The following TAF4B variants were observed in gnomAD, a reference collection of about 807,000 sequenced individuals.
The protein encoded by TAF4B is transcription initiation factor TFIID subunit 4B.
A neutral mutation model predicts 86.4 loss-of-function variants in TAF4B; 38 were observed. The ratio of observed to expected loss-of-function variants is 0.44; its 90% CI spans 0.34 to 0.58. The LOEUF is 0.58. Among genes scored for constraint, TAF4B ranks in the 20% least tolerant of loss-of-function variants. TAF4B has a pLI of 0.02. For synonymous variants in TAF4B, 388 were observed against 391.2 expected (o/e 0.99, Z 0.10); for missense variants, 988 against 1,027.6 (o/e 0.96, Z 0.53).
intron 13 of TAF4B, among the ~76,000 whole-genome samples, chr18:26,342,378 T>G (rs1791741): frequency 0.35 from 53,752 of 152,078 alleles, 11,594 homozygotes; most frequent in East Asian, 0.81. Context: ...AATGTGCCCC[T>G]GTTCCTGTCC....
chr18:26,383,698 C>G (rs1978305035), intron 14 of TAF4B, among the ~76,000 whole-genome samples: 1 of 152,164 alleles, frequency 6.6e-6, no homozygotes, highest in South Asian at 2.1e-4. Context: ...GCCAGTGATT[C>G]CGTGTCACAT....
At chr18:26,332,880 G>A (rs1406996622) in intron 12 of TAF4B, among the ~76,000 whole-genome samples, 1 of 151,966 alleles carries the variant, frequency 6.6e-6, no homozygotes, top group African/African-American at 2.4e-5. Context: ...TCCTTATCAT[G>A]GCCTACAAGG....
chr18:26,366,797 G>A (rs1238194328), intron 14 of TAF4B, among the ~76,000 whole-genome samples: 1 of 152,162 alleles, frequency 6.6e-6, no homozygotes, highest in African/African-American at 2.4e-5. Context: ...AGTATTGGCA[G>A]TTTCAGATAG....
chr18:26,352,747 C>T (rs1280094708), intron 13 of TAF4B, among the ~76,000 whole-genome samples: 2 of 152,094 alleles, frequency 1.3e-5, no homozygotes, highest in African/African-American at 4.8e-5. Context: ...CAGAGTGAGA[C>T]CCTGTCTCCC....
intron 1 of TAF4B, chr18:26,255,556 C>G: frequency 1.8e-6 from 1 of 554,660 alleles, no homozygotes; most frequent in South Asian, 2.6e-5. Flanking sequence ...GAGCCAAGAT[C>G]ACGCCACTGC....
At chr18:26,285,227 T>TGTTTTTG (rs1555677499) in intron 6 of TAF4B, among the ~76,000 whole-genome samples, 22 of 125,124 alleles carry the variant, frequency 1.8e-4, no homozygotes, top group East Asian at 5.1e-4. Context: ...TTTTTGTTTT[T>TGTTTTTG]TTTTTTTTTG....
chr18:26,363,603 A>T (rs1280067727), intron 14 of TAF4B, among the ~76,000 whole-genome samples: 1 of 152,102 alleles, frequency 6.6e-6, no homozygotes, highest in East Asian at 1.9e-4. Context: ...TGCTCCTTCA[A>T]TGTTTAGGTA....
At chr18:26,281,678 A>G (rs866729462) in intron 5 of TAF4B, among the ~76,000 whole-genome samples, 11 of 152,140 alleles carry the variant, frequency 7.2e-5, no homozygotes, top group Admixed American at 5.9e-4. Flanking sequence ...TCAATTCTTA[A>G]TTGTTCTTAA....
chr18:26,296,936 C>T (rs1585678), intron 9 of TAF4B, among the ~76,000 whole-genome samples: 53,614 of 151,698 alleles, frequency 0.35, 11,534 homozygotes, highest in East Asian at 0.81. Context: ...GTCAAGAGTT[C>T]GAGACCAGCC....
At chr18:26,379,866 C>G (rs140090534) in intron 14 of TAF4B, among the ~76,000 whole-genome samples, 222 of 152,206 alleles carry the variant, frequency 1.5e-3, no homozygotes, top group African/African-American at 5.1e-3. Context: ...TTTCCATGTA[C>G]AAGTCTTTGA....
At chr18:26,303,424 A>G (rs1359799628) in intron 9 of TAF4B, among the ~76,000 whole-genome samples, 1 of 73,078 alleles carries the variant, frequency 1.4e-5, no homozygotes, top group African/African-American at 5.3e-5. Flanking sequence ...TCCTCCCTCC[A>G]CTTTCATCCT....
chr18:26,263,742 G>A (rs918001180), intron 1 of TAF4B, among the ~76,000 whole-genome samples: 1 of 151,788 alleles, frequency 6.6e-6, no homozygotes, highest in African/African-American at 2.4e-5. Context: ...TTGAGACAGG[G>A]TCTTGCTCTG....
chr18:26,231,098 G>A (rs1178684359), intron 1 of TAF4B, among the ~76,000 whole-genome samples: 2 of 129,758 alleles, frequency 1.5e-5, no homozygotes, highest in African/African-American at 3.1e-5. Flanking sequence ...GGAGTGCAAT[G>A]GTGCAATCTT....
chr18:26,310,089 T>G (rs1272710813), intron 9 of TAF4B, among the ~76,000 whole-genome samples: 2 of 152,156 alleles, frequency 1.3e-5, no homozygotes, highest in African/African-American at 4.8e-5. Context: ...TCCGAAAGTG[T>G]TGGGATTACA....
intron 1 of TAF4B, among the ~76,000 whole-genome samples, chr18:26,249,921 C>A (rs1223343073): frequency 6.6e-6 from 1 of 152,120 alleles, no homozygotes; most frequent in Admixed American, 6.5e-5. Flanking sequence ...TAGGGTTTCA[C>A]CATGTTGGCC....
In TAF4B at chr18:26,286,572, A is replaced by G. The variant is rs2056526332; in HGVS notation, c.1590+73A>G. 7 of 1,477,860 alleles carry G rather than the reference A, an allele frequency of 4.7e-6. No individual in the cohort carries two copies. The Admixed American group carries it at 6.6e-5, about 14-fold the overall frequency. 91.5% of individuals were successfully genotyped at this position (1,477,860 alleles called of 1,614,324 possible). On this transcript the variant is annotated intron_variant, in intron 7 of 14. Transcript: ENST00000269142. Reference sequence around the variant, plus strand: ...GAACATTCAGAAAACTGGTAAGACTAGTAGAAAACTAGTAAGGCTATATAC... The same window carrying G: ...GAACATTCAGAAAACTGGTAAGACTGGTAGAAAACTAGTAAGGCTATATAC...
chr18:26,308,278 A>C (rs2056816856), intron 9 of TAF4B, among the ~76,000 whole-genome samples: 1 of 152,176 alleles, frequency 6.6e-6, no homozygotes, highest in Non-Finnish European at 1.5e-5. Flanking sequence ...AGGTTGTTGA[A>C]CATTCCAAGT....
In TAF4B at chr18:26,315,458, T is replaced by A. The variant is rs2056902411; in HGVS notation, c.2002+60T>A. 2.2e-6 allele frequency: 3 copies of A among 1,366,926 alleles called. No homozygotes were observed. The African/African-American group carries it at 4.3e-5, about 20-fold the overall frequency. 84.7% of individuals were successfully genotyped at this position (1,366,926 alleles called of 1,614,324 possible). ...GATGTCTGTTTGAGGGAAAATATTA[T>A]CAAAAGAGACAACCTGGGTTGGTTG... On this transcript the variant is annotated intron_variant, in intron 10 of 14. Coordinates refer to ENST00000269142, the MANE Select transcript of TAF4B (RefSeq NM_005640.3).
intron 5 of TAF4B, among the ~76,000 whole-genome samples, chr18:26,281,398 A>G (rs568969592): frequency 4.4e-4 from 67 of 152,332 alleles, no homozygotes; most frequent in African/African-American, 1.4e-3. Flanking sequence ...AATATGTCCT[A>G]TTAGGCAAAA....
Sources: allele counts gnomAD v4.1 joint callset (sites outside exome capture counted in the v4.1 genomes callset), GRCh38; gene constraint gnomAD v4.1.1; transcripts MANE v1.5; gene names NCBI Gene and HGNC (gene_info 2026-07-23, HGNC 2026-07-21).